The following LARP1 variants were observed in gnomAD, a reference collection of about 807,000 sequenced individuals.
The protein encoded by LARP1 is la-related protein 1.
In LARP1, 36 loss-of-function variants were observed where a neutral mutation model predicts 122.7. The ratio of observed to expected loss-of-function variants is 0.29; its 90% CI spans 0.22 to 0.39. The LOEUF is 0.39. Among genes scored for constraint, LARP1 ranks in the 10% least tolerant of loss-of-function variants. LARP1 has a pLI of 1.00. For synonymous variants in LARP1, 539 were observed against 528.7 expected (o/e 1.02, Z -0.27); for missense variants, 1,040 against 1,403.6 (o/e 0.74, Z 4.14).
chr5:154,804,438 C>T, intron 14 of LARP1, 131 bp downstream of exon 14: 1 of 708,874 alleles, frequency 1.4e-6, no homozygotes, highest in Non-Finnish European at 2.4e-6. Context: ...TTCAAAAAAC[C>T]AGTGGTGTGG....
intron 1 of LARP1, chr5:154,786,682 T>C (rs1247886854): frequency 7.1e-6 from 2 of 282,474 alleles, no homozygotes; most frequent in Non-Finnish European, 1.5e-5. Context: ...TCCTCGCCAG[T>C]AGACACATGG....
chr5:154,750,348 C>T (rs1753422618), intron 1 of LARP1, among the ~76,000 whole-genome samples: 1 of 152,110 alleles, frequency 6.6e-6, no homozygotes, highest in Non-Finnish European at 1.5e-5. Context: ...TGGCTCACTG[C>T]AGTCTCAACT....
Position 154,811,613 on chromosome 5 carries a change from C to T in LARP1, c.3054C>T (p.Phe1018=). Residue 1018 remains phenylalanine (F), a synonymous_variant, in exon 18 of 19, where the codon TTC becomes TTT. Coordinates refer to ENST00000518297, the MANE Select transcript of LARP1 (RefSeq NM_033551.3). The part of the protein sequence containing the change: ...DPKLQEYLGK[F]RRLEDFRVDP... ...AACTGCAAGAATACCTCGGCAAATT[C>T]CGACGTCTTGAAGACTTCCGAGTAG... The T allele has an allele frequency of 1.9e-6, 3 of 1,614,186 alleles. No individual in the cohort carries two copies. The highest frequency in any genetic ancestry group is 2.5e-6 in the Non-Finnish European group (3 of 1,180,030).
intron 8 of LARP1, among the ~76,000 whole-genome samples, chr5:154,799,254 G>T (rs894155004): frequency 6.6e-6 from 1 of 152,160 alleles, no homozygotes; most frequent in Admixed American, 6.5e-5. Flanking sequence ...GTATTTTATA[G>T]TTCTTTTTCT....
intron 1 of LARP1, among the ~76,000 whole-genome samples, chr5:154,773,519 G>C (rs1755613641): frequency 6.6e-6 from 1 of 152,176 alleles, no homozygotes; most frequent in South Asian, 2.1e-4. Context: ...GCACACATGT[G>C]TAAGTGCATG....
intron 1 of LARP1, among the ~76,000 whole-genome samples, chr5:154,788,368 A>G (rs1432870880): frequency 6.6e-6 from 1 of 152,154 alleles, no homozygotes; most frequent in Non-Finnish European, 1.5e-5. Context: ...CATGTGGGGT[A>G]TCTTGAGGGG....
chr5:154,795,471 T>G, intron 8 of LARP1, 152 bp downstream of exon 8: 3 of 695,156 alleles, frequency 4.3e-6, no homozygotes, highest in Non-Finnish European at 7.0e-6. Flanking sequence ...TCTCCCTCCT[T>G]CCTTCCTTTC....
intron 1 of LARP1, among the ~76,000 whole-genome samples, chr5:154,702,504 C>G (rs1754763971): frequency 6.6e-6 from 1 of 150,866 alleles, no homozygotes; most frequent in African/African-American, 2.4e-5. Flanking sequence ...TGCAGTGAGC[C>G]AAGACCATGC....
At chr5:154,771,522 ACAT>A (rs755928432) in intron 1 of LARP1, among the ~76,000 whole-genome samples, 13 of 152,346 alleles carry the variant, frequency 8.5e-5, no homozygotes, top group Non-Finnish European at 1.6e-4. Context: ...CATGCCGTAC[ACAT>A]CATCTGGCTT....
intron 1 of LARP1, among the ~76,000 whole-genome samples, chr5:154,760,033 G>A (rs1006034007): frequency 6.6e-6 from 1 of 151,510 alleles, no homozygotes; most frequent in African/African-American, 2.4e-5. Flanking sequence ...TCCACCTCCC[G>A]GGTTCAAGCG....
intron 1 of LARP1, among the ~76,000 whole-genome samples, chr5:154,769,586 G>A (rs530626391): frequency 6.6e-6 from 1 of 152,288 alleles, no homozygotes; most frequent in South Asian, 2.1e-4. Context: ...AGGCCCTGGA[G>A]CAGCAATAGA....
intron 1 of LARP1, among the ~76,000 whole-genome samples, chr5:154,693,201 G>C (rs113299726): frequency 0.034 from 5,172 of 150,594 alleles, 298 homozygotes; most frequent in African/African-American, 0.12. Flanking sequence ...GCAGTGGCAT[G>C]ATCTCGGCTC....
intron 1 of LARP1, among the ~76,000 whole-genome samples, chr5:154,693,344 C>A (rs1164568283): frequency 6.6e-6 from 1 of 151,918 alleles, no homozygotes; most frequent in African/African-American, 2.4e-5. Context: ...GCCATGTTGC[C>A]CAGGCTCACA....
At chr5:154,735,440 G>A (rs1347656321) in intron 1 of LARP1, among the ~76,000 whole-genome samples, 1 of 151,390 alleles carries the variant, frequency 6.6e-6, no homozygotes, top group Admixed American at 6.6e-5. Flanking sequence ...GTGACAGAGC[G>A]AGACTCTGTC....
intron 1 of LARP1, among the ~76,000 whole-genome samples, chr5:154,696,659 C>T (rs1333852900): frequency 6.6e-6 from 1 of 152,144 alleles, no homozygotes; most frequent in East Asian, 1.9e-4. Context: ...TGCATTATTC[C>T]ATTAGTAATG....
At chr5:154,733,848 C>T (rs1756726663) in intron 1 of LARP1, among the ~76,000 whole-genome samples, 1 of 152,130 alleles carries the variant, frequency 6.6e-6, no homozygotes, top group Non-Finnish European at 1.5e-5. Flanking sequence ...CAGATGTGAG[C>T]CACCGTGCCT....
rs950889014 is a variant in LARP1, at chr5:154,741,989, C to T, written c.205+28859C>T. Among the ~76,000 whole-genome samples the T allele has an allele frequency of 2.0e-5, 3 of 152,226 alleles. No homozygotes were observed. In the Middle Eastern group the frequency reaches 0.01, roughly 518 times the overall value. The stretch of plus-strand genomic sequence containing the variant: ...ATTTTATTCACATTAGGTAATTAGG[C>T]CATTCATGTTCCTTCTAATGAACCT... On this transcript the variant is annotated intron_variant, in intron 1 of 18. Coordinates refer to the LARP1 transcript ENST00000336314.
intron 1 of LARP1, among the ~76,000 whole-genome samples, chr5:154,689,174 C>T (rs933945189): frequency 1.3e-5 from 2 of 151,908 alleles, no homozygotes; most frequent in Admixed American, 6.6e-5. Flanking sequence ...CAAAAATTGG[C>T]TGGGTGCGGT....
At chr5:154,724,771 A>T (rs1182361711) in intron 1 of LARP1, among the ~76,000 whole-genome samples, 1 of 151,476 alleles carries the variant, frequency 6.6e-6, no homozygotes, top group Non-Finnish European at 1.5e-5. Flanking sequence ...GGCTCAGGTG[A>T]TGCTCCCACC....
Sources: allele counts gnomAD v4.1 joint callset (sites outside exome capture counted in the v4.1 genomes callset), GRCh38; gene constraint gnomAD v4.1.1; transcripts MANE v1.5; gene names NCBI Gene and HGNC (gene_info 2026-07-23, HGNC 2026-07-21).